Variants in DST observed in about 807,000 individuals in gnomAD.
DST encodes bullous pemphigoid antigen.
Under a neutral mutation model 875.2 loss-of-function variants are expected in DST, and 253 were observed. The observed-to-expected ratio is 0.29, with a 90% CI of 0.26 to 0.32. The LOEUF is 0.32. DST is among the 10% of genes least tolerant of loss of function. The pLI is 1.00. For missense variants in DST, 8,287 were observed against 9,111.6 expected (o/e 0.91, Z 3.68); for synonymous variants, 3,124 against 3,197.1 (o/e 0.98, Z 0.77).
rs1222443593 is a variant in DST at position 56,605,571 on chromosome 6, A to C, written c.9057T>G (p.Ser3019=). Residue 3019 remains serine (S), a synonymous_variant, in exon 40 of 104, where the codon TCT becomes TCG. Transcript: ENST00000680361. The part of the protein sequence containing the change: ...AEESHLSLIA[S]VTDKDPQGNG... ...TTCCTTGAGGATCTTTGTCAGTTAC[A>C]GAGGCTATCAATGACAAATGGCTTT... is the stretch of plus-strand genomic sequence containing the variant. 1 of 1,612,998 alleles carries C rather than the reference A, an allele frequency of 6.2e-7. No homozygotes were observed. Among genetic ancestry groups the C allele is most frequent in the Non-Finnish European group, 8.5e-7 (1 of 1,179,390 alleles).
At chr6:56,847,936 A>C (rs1317327556) in intron 4 of DST, among the ~76,000 whole-genome samples, 1 of 152,212 alleles carries the variant, frequency 6.6e-6, no homozygotes, top group African/African-American at 2.4e-5. Flanking sequence ...CCATACTGCA[A>C]GTATTTTTTA....
intron 10 of DST, among the ~76,000 whole-genome samples, chr6:56,657,689 C>T (rs2099016752): frequency 6.6e-6 from 1 of 152,168 alleles, no homozygotes; most frequent in South Asian, 2.1e-4. Flanking sequence ...AGTAAATGTA[C>T]TTAATGCCAC....
chr6:56,618,103 T>G, intron 36 of DST: 1 of 1,614,148 alleles, frequency 6.2e-7, no homozygotes, highest in Non-Finnish European at 8.5e-7. Flanking sequence ...CAGACAGTCT[T>G]GTAATGGGGT....
chr6:56,523,822 T>C (rs982343054), intron 69 of DST, among the ~76,000 whole-genome samples: 8 of 152,138 alleles, frequency 5.3e-5, no homozygotes, highest in Admixed American at 3.3e-4. Context: ...CATGTGTGGC[T>C]GTTGGTAGGC....
intron 9 of DST, among the ~76,000 whole-genome samples, chr6:56,671,420 C>T (rs915540797): frequency 6.6e-6 from 1 of 152,168 alleles, no homozygotes; most frequent in Non-Finnish European, 1.5e-5. Context: ...TCCTATATAA[C>T]AATTTGGCCA....
intron 102 of DST, chr6:56,461,094 T>C (rs529893566): frequency 1.3e-5 from 2 of 152,296 alleles, no homozygotes; most frequent in East Asian, 1.9e-4. Context: ...AGAGAACTAT[T>C]TGGAGGAAAT....
At chr6:56,934,760 A>G (rs1039001036) in intron 2 of DST, among the ~76,000 whole-genome samples, 1 of 150,704 alleles carries the variant, frequency 6.6e-6, no homozygotes, top group Admixed American at 6.6e-5. Context: ...GACCCTTCCA[A>G]TAACTTCCAA....
chr6:56,726,515 C>T (rs1459689732), intron 5 of DST, among the ~76,000 whole-genome samples: 1 of 152,178 alleles, frequency 6.6e-6, no homozygotes, highest in Admixed American at 6.5e-5. Flanking sequence ...GAGTAAACTT[C>T]CTACTACCTA....
At chr6:56,872,039 C>G (rs189093361) in intron 3 of DST, among the ~76,000 whole-genome samples, 1 of 152,072 alleles carries the variant, frequency 6.6e-6, no homozygotes, top group East Asian at 1.9e-4. Flanking sequence ...GTATGTCCAG[C>G]GATTCTACTA....
intron 3 of DST, among the ~76,000 whole-genome samples, chr6:56,876,322 T>G (rs1779610485): frequency 6.6e-6 from 1 of 152,180 alleles, no homozygotes. Flanking sequence ...AATCTTTATC[T>G]TCTCTCTTCT....
At chr6:56,835,192 G>C (rs1378540434) in intron 4 of DST, among the ~76,000 whole-genome samples, 1 of 152,194 alleles carries the variant, frequency 6.6e-6, no homozygotes, top group Non-Finnish European at 1.5e-5. Context: ...TCTGGAGCTG[G>C]AGAGGAACAA....
chr6:56,905,488 T>A (rs1264951904), intron 2 of DST, among the ~76,000 whole-genome samples: 2 of 152,330 alleles, frequency 1.3e-5, no homozygotes, highest in African/African-American at 4.8e-5. Context: ...AGATACTTTA[T>A]ATAAATGGAA....
Position 56,616,404 on chromosome 6 carries a change from C to T in DST, c.4930-1920G>A, listed in dbSNP as rs751289500. 3.1e-6 allele frequency: 5 copies of T among 1,613,806 alleles called. No individual in the cohort carries two copies. The Admixed American group carries it at 8.3e-5, about 27-fold the overall frequency. On this transcript the variant is annotated intron_variant, in intron 36 of 103. Coordinates refer to ENST00000680361, the MANE Select transcript of DST (RefSeq NM_001374736.1). ...TTCTCAATCAGGTTTCTCTGGAAAG[C>T]CTCATACACGGTCAATTCTGATCCT...
Position 56,607,593 on chromosome 6 carries a change from T to A in DST, c.7035A>T (p.Ser2345=). The A allele has an allele frequency of 1.2e-6, 2 of 1,613,056 alleles. No individual in the cohort carries two copies. The highest frequency in any genetic ancestry group is 1.7e-4 in the Middle Eastern group (1 of 6,060). Reference sequence around the variant, plus strand: ...CTGCAAGTTCAGTCTGTGTTAAATATGATATGAGACTGGGAACACACACAC... The same window carrying A: ...CTGCAAGTTCAGTCTGTGTTAAATAAGATATGAGACTGGGAACACACACAC... ...SPSVCVPSLI[S]YLTQTELADI... The change falls in exon 40 of 104, where the codon TCA becomes TCT. Residue 2345 remains serine (S), a synonymous_variant. Transcript: ENST00000680361.
Position 56,528,875 on chromosome 6 carries a change from TA to T in DST, c.17645del (p.Leu5882TyrfsTer2). 1 of 1,586,682 alleles carries T rather than the reference TA, an allele frequency of 6.3e-7. No homozygotes were observed. ...LLRKQNVDQA[L>X]LNGLELLKQT... The stretch of plus-strand genomic sequence containing the variant: ...GTTTAAGTAGTTCTAAACCATTTAG[TA>T]AAGCCTGATCTACATTTTGTTTCCT... On this transcript the variant is annotated frameshift_variant, in exon 67 of 104. Transcript: ENST00000680361. LOFTEE classifies it high-confidence loss of function.
At chr6:56,497,738 T>G (rs2095969725) in intron 81 of DST, 118 bp downstream of exon 81, 1 of 1,039,072 alleles carries the variant, frequency 9.6e-7, no homozygotes, top group Non-Finnish European at 1.4e-6. Context: ...TTCACTTATT[T>G]TTACTCCTCT....
At chr6:56,562,739 G>A (rs1263598458) in intron 55 of DST, among the ~76,000 whole-genome samples, 5 of 151,236 alleles carry the variant, frequency 3.3e-5, no homozygotes, top group East Asian at 1.9e-4. Flanking sequence ...CACCCCCCAG[G>A]CCCCCCACCC....
rs1046935015 is a variant in DST at position 56,844,293 on chromosome 6, G to A, written c.625+7104C>T. Reference sequence around the variant, plus strand: ...CTGAGCTCCCGGCCGCCGCGAGGCTGCCGAGTACCAGCCTGCGGTCCCTCC... The same window carrying A: ...CTGAGCTCCCGGCCGCCGCGAGGCTACCGAGTACCAGCCTGCGGTCCCTCC... On this transcript the variant is annotated intron_variant, in intron 4 of 103. Transcript: ENST00000680361. Among the ~76,000 whole-genome samples the A allele has an allele frequency of 1.1e-4, 16 of 152,276 alleles. 1 individual carries two copies. Among genetic ancestry groups the A allele is most frequent in the South Asian group, 6.2e-4 (3 of 4,826 alleles).
At chr6:56,560,000 G>C (rs1327613201) in intron 58 of DST, among the ~76,000 whole-genome samples, 3 of 151,986 alleles carry the variant, frequency 2.0e-5, no homozygotes, top group Non-Finnish European at 2.9e-5. Context: ...CAAAAGCTAG[G>C]AAAAAGAAAC....
Sources: allele counts gnomAD v4.1 joint callset (sites outside exome capture counted in the v4.1 genomes callset), GRCh38; gene constraint gnomAD v4.1.1; transcripts MANE v1.5; gene names NCBI Gene and HGNC (gene_info 2026-07-23, HGNC 2026-07-21).